Variants in DISP3 observed in about 807,000 individuals in gnomAD.
DISP3 encodes the protein dispatched RND transporter family member 3.
In DISP3, 101 loss-of-function variants were observed where a neutral mutation model predicts 135.3. The ratio of observed to expected loss-of-function variants is 0.75; its 90% CI spans 0.64 to 0.88. The LOEUF is 0.88. Ranked by LOEUF, DISP3 falls within the 40% of genes least tolerant of loss-of-function variation. The pLI, the probability that DISP3 is intolerant of heterozygous loss-of-function variation, is 0.00. For synonymous variants in DISP3, 856 were observed against 817.0 expected (o/e 1.05, Z -0.81); for missense variants, 1,713 against 1,878.6 (o/e 0.91, Z 1.63).
intron 17 of DISP3, among the ~76,000 whole-genome samples, chr1:11,532,991 C>T (rs1430062358): frequency 1.3e-5 from 2 of 152,094 alleles, no homozygotes; most frequent in South Asian, 4.1e-4. Context: ...CAGGCATGAG[C>T]CACTGCATCT....
In DISP3 at chr1:11,501,625, G is replaced by T. The variant is rs753032518; in HGVS notation, c.633G>T (p.Glu211Asp). The T allele has an allele frequency of 1.8e-5, 29 of 1,608,354 alleles. No individual in the cohort carries two copies. The Admixed American group carries it at 3.4e-4, about 19-fold the overall frequency. ...GRLRRETPPL[E>D]DLAANQSEDP... ...TTCGGCGTGAGACCCCGCCCCTGGA[G>T]GATCTGGCAGCCAACCAGAGTGAAG... Residue 211 changes from glutamate (E) to aspartate (D), a missense_variant, in exon 2 of 21, where the codon GAG becomes GAT. By Grantham distance (45) the Glu-to-Asp change is conservative (BLOSUM62 2). Coordinates refer to ENST00000294484, the MANE Select transcript of DISP3 (RefSeq NM_020780.2). This position sits in a 1 kb window ranked among gnomAD's most constrained non-coding sequence, Gnocchi z 4.9.
rs968014203 is a variant in DISP3 at position 11,529,123 on chromosome 1, C to A, written c.2799-433C>A. ...GCCAGCTGTTGACACTGGAGCCCTT[C>A]CTTCCTATAGAATCTAGAGACTCCC... On this transcript the variant is annotated intron_variant, in intron 13 of 20. Coordinates refer to ENST00000294484, the MANE Select transcript of DISP3 (RefSeq NM_020780.2). This position sits in a 1 kb window ranked among gnomAD's most constrained non-coding sequence, Gnocchi z 4.7. Among the ~76,000 whole-genome samples, 11 of 152,300 alleles carry A rather than the reference C, an allele frequency of 7.2e-5. No homozygotes were observed. Among genetic ancestry groups the A allele is most frequent in the African/African-American group, 2.2e-4 (9 of 41,558 alleles).
chr1:11,510,850 A>C (rs1641836938), intron 3 of DISP3, among the ~76,000 whole-genome samples: 1 of 152,152 alleles, frequency 6.6e-6, no homozygotes, highest in South Asian at 2.1e-4. Context: ...TGAAACTCGG[A>C]GAGAAAAAAA....
In DISP3 at chr1:11,535,043, T is replaced by C; in HGVS notation, c.3568T>C (p.Ser1190Pro). ...GAGCGCCCTGTGCGGCCTGGTGCTA[T>C]CCCTGCTCATCTGCGTGGCCGCGGT... The part of the protein sequence containing the change: ...VQSALCGLVL[S>P]LLICVAAVAV... Residue 1190 changes from serine (S) to proline (P), a missense_variant, in exon 19 of 21, where the codon TCC becomes CCC. Around this residue, in one of 2 missense-constraint regions of DISP3, gnomAD observed 1,142 missense variants for 1,384.6 expected, o/e 0.82. Coordinates refer to ENST00000294484, the MANE Select transcript of DISP3 (RefSeq NM_020780.2). The C allele has an allele frequency of 6.2e-7, 1 of 1,602,402 alleles. No homozygotes were observed. Among genetic ancestry groups the C allele is most frequent in the Non-Finnish European group, 8.5e-7 (1 of 1,176,266 alleles).
At chr1:11,523,908 G>T in intron 10 of DISP3, 34 bp from the exon 11 acceptor site, 1 of 1,567,072 alleles carries the variant, frequency 6.4e-7, no homozygotes, top group Non-Finnish European at 8.8e-7. Flanking sequence ...ATGTCCTGCT[G>T]TCCTGCTGTC....
rs1570145819 is a variant in DISP3 at position 11,529,460 on chromosome 1, A to G, written c.2799-96A>G. ...AGAGCCCGAGTCCAGACCCCATGAC[A>G]CCCCAGCCCCAGTCCCAACCCTGGC... is the stretch of plus-strand genomic sequence containing the variant. On this transcript the variant is annotated intron_variant, in intron 13 of 20. Coordinates refer to ENST00000294484, the MANE Select transcript of DISP3 (RefSeq NM_020780.2). The surrounding 1 kb of genome is among the most constrained non-coding windows in gnomAD (Gnocchi z 4.7). 3 of 1,403,042 alleles carry G rather than the reference A, an allele frequency of 2.1e-6. No homozygotes were observed. Among genetic ancestry groups the G allele is most frequent in the Non-Finnish European group, 2.9e-6 (3 of 1,036,752 alleles). 86.9% of individuals were successfully genotyped at this position (1,403,042 alleles called of 1,614,324 possible).
intron 1 of DISP3, among the ~76,000 whole-genome samples, chr1:11,492,740 G>T (rs1234809615): frequency 6.6e-6 from 1 of 152,248 alleles, no homozygotes; most frequent in Admixed American, 6.5e-5. Context: ...CACAAAGCCA[G>T]GTTTCCCTGG....
rs369936183 is a variant in DISP3, at chr1:11,521,519, G to A, written c.2362+671G>A. On this transcript the variant is annotated intron_variant, in intron 10 of 20. Transcript: ENST00000294484. ...AGGGTGGGGTTAGCCAGGCTGGGAG[G>A]GGAGAGGAGAGAAGAGGAGAGGTTA... Among the ~76,000 whole-genome samples, 56 of 141,822 alleles carry A rather than the reference G, an allele frequency of 3.9e-4. 1 individual carries two copies. In the South Asian group the frequency reaches 9.6e-3, roughly 24 times the overall value. The allele number at this position is 141,822 out of a possible 152,430, so 93.0% of individuals were successfully genotyped here. A position where few individuals can be genotyped will look rare whatever the true frequency, so the allele number is the denominator to read the frequency against.
At chr1:11,535,871 G>A (rs1642695211) in intron 20 of DISP3, among the ~76,000 whole-genome samples, 1 of 152,102 alleles carries the variant, frequency 6.6e-6, no homozygotes, top group African/African-American at 2.4e-5. Context: ...CAATGAGAGG[G>A]TTGGACAGAC....
At chr1:11,532,695 GTTTT>G (rs1175827030) in intron 17 of DISP3, among the ~76,000 whole-genome samples, 1 of 151,912 alleles carries the variant, frequency 6.6e-6, no homozygotes, top group African/African-American at 2.4e-5. Flanking sequence ...ATCTTAACCG[GTTTT>G]TTTGTTTGTT....
chr1:11,483,787 G>A lies in DISP3; in HGVS notation c.-4+4415G>A, dbSNP rs1438728029. 2.0e-5 allele frequency among the ~76,000 whole-genome samples: 3 copies of A among 152,222 alleles called. No individual in the cohort carries two copies. Among genetic ancestry groups the A allele is most frequent in the Non-Finnish European group, 2.9e-5 (2 of 68,046 alleles). Reference sequence around the variant, plus strand: ...GAGTCCCCGTGAGAGTCTGGAATGGGACTCAAGCTGTGAACCTTGGAGTGT... The same window carrying A: ...GAGTCCCCGTGAGAGTCTGGAATGGAACTCAAGCTGTGAACCTTGGAGTGT... On this transcript the variant is annotated intron_variant, in intron 1 of 20. Coordinates refer to ENST00000294484, the MANE Select transcript of DISP3 (RefSeq NM_020780.2). This position sits in a 1 kb window ranked among gnomAD's most constrained non-coding sequence, Gnocchi z 5.4.
chr1:11,525,338 G>A, intron 12 of DISP3, 26 bp downstream of exon 12: 3 of 1,602,346 alleles, frequency 1.9e-6, no homozygotes, highest in Non-Finnish European at 2.6e-6. Flanking sequence ...CGTGAAGTGA[G>A]CCGCCACCAC....
rs1233223283 is a variant in DISP3 at position 11,520,615 on chromosome 1, G to A, written c.2201-72G>A. On this transcript the variant is annotated intron_variant, in intron 9 of 20. Transcript: ENST00000294484. This position sits in a 1 kb window ranked among gnomAD's most constrained non-coding sequence, Gnocchi z 4.8. The stretch of plus-strand genomic sequence containing the variant: ...CAACAACCAGAGCAGTTGTCTCCCG[G>A]CACTTTGGAGCCCCACTGGGAACAG... 4 of 1,531,714 alleles carry A rather than the reference G, an allele frequency of 2.6e-6. No individual in the cohort carries two copies. Among genetic ancestry groups the A allele is most frequent in the Admixed American group, 1.8e-5 (1 of 54,910 alleles). The allele number at this position is 1,531,714 out of a possible 1,614,324, so 94.9% of individuals were successfully genotyped here. A position where few individuals can be genotyped will look rare whatever the true frequency, so the allele number is the denominator to read the frequency against.
Position 11,491,615 on chromosome 1 carries a change from C to CAAAA in DISP3, c.-3-9372_-3-9371insAAAA, listed in dbSNP as rs1641184711. 6.6e-6 allele frequency among the ~76,000 whole-genome samples: 1 copy of CAAAA among 151,214 alleles called. No individual in the cohort carries two copies. The highest frequency in any genetic ancestry group is 1.5e-5 in the Non-Finnish European group (1 of 67,724). On this transcript the variant is annotated intron_variant, in intron 1 of 20. Coordinates refer to ENST00000294484, the MANE Select transcript of DISP3 (RefSeq NM_020780.2). This position sits in a 1 kb window ranked among gnomAD's most constrained non-coding sequence, Gnocchi z 4.3. ...GACAGAGTGAGATCCCATCTCAAAACAAACAAACAAAACAAAACAAAACCC... is the reference window on the plus strand; with the variant it reads ...GACAGAGTGAGATCCCATCTCAAAACAAAAAAACAAACAAAACAAAACAAAACCC...
intron 13 of DISP3, among the ~76,000 whole-genome samples, chr1:11,527,503 G>A (rs1293641038): frequency 1.1e-4 from 17 of 151,260 alleles, no homozygotes; most frequent in African/African-American, 2.4e-4. Context: ...AGCCGAGATC[G>A]CGCCTCTGCA....
chr1:11,530,715 C>T (rs1256640019), intron 15 of DISP3, among the ~76,000 whole-genome samples, 192 bp from the exon 16 acceptor site: 1 of 151,750 alleles, frequency 6.6e-6, no homozygotes, highest in Admixed American at 6.6e-5. Context: ...GTGATGGGAG[C>T]AGATGTTGCT....
At chr1:11,517,934 T>A (rs988324902) in intron 7 of DISP3, among the ~76,000 whole-genome samples, 1 of 152,140 alleles carries the variant, frequency 6.6e-6, no homozygotes, top group African/African-American at 2.4e-5. Flanking sequence ...AGGTCACCTA[T>A]TTAGTAGGCA....
chr1:11,490,515 C>G (rs546916181), intron 1 of DISP3, among the ~76,000 whole-genome samples: 1 of 152,246 alleles, frequency 6.6e-6, no homozygotes, highest in South Asian at 2.1e-4. Context: ...GTGATCTGCC[C>G]GCGTTGGCCT....
Position 11,491,215 on chromosome 1 carries a change from G to A in DISP3, c.-3-9775G>A, listed in dbSNP as rs552337510. Among the ~76,000 whole-genome samples, 112 of 152,204 alleles carry A rather than the reference G, an allele frequency of 7.4e-4. No individual in the cohort carries two copies. Among genetic ancestry groups the A allele is most frequent in the Non-Finnish European group, 1.5e-3 (102 of 68,038 alleles). ...AAGGCTAAATCAGTTGCTGGAGGGAGCCACTGGGAACAGGGGAGGATGACC... is the reference window on the plus strand; with the variant it reads ...AAGGCTAAATCAGTTGCTGGAGGGAACCACTGGGAACAGGGGAGGATGACC... On this transcript the variant is annotated intron_variant, in intron 1 of 20. Transcript: ENST00000294484. The surrounding 1 kb of genome is among the most constrained non-coding windows in gnomAD (Gnocchi z 4.3).
Sources: gnomAD v4.1 joint callset for allele counts (sites outside exome capture counted in the v4.1 genomes callset) on GRCh38, gnomAD v4.1.1 for gene constraint, gnomAD v4.1.1 regional missense constraint, Gnocchi (gnomAD v3.1) non-coding constraint, MANE v1.5 for transcripts, NCBI Gene and HGNC (gene_info 2026-07-23, HGNC 2026-07-21) for gene names.